The following HAS3 variants were observed in gnomAD, a reference collection of about 807,000 sequenced individuals.
The protein encoded by HAS3 is hyaluronan synthase 3.
HAS3 carries 27 observed loss-of-function variants against 50.3 expected under a neutral mutation model. That is an observed-to-expected ratio of 0.54 (90% confidence interval 0.40 to 0.74). The LOEUF (loss-of-function observed/expected upper bound fraction) is 0.74. HAS3 is among the 30% of genes least tolerant of loss of function. The pLI is 0.00. For missense variants in HAS3, 517 were observed against 742.8 expected (o/e 0.70, Z 3.53); for synonymous variants, 339 against 310.9 (o/e 1.09, Z -0.95).
upstream of HAS3, among the ~76,000 whole-genome samples, chr16:69,105,190 C>T (rs1283908464): frequency 6.6e-6 from 1 of 151,664 alleles, no homozygotes; most frequent in Non-Finnish European, 1.5e-5. Context: ...AGATTACAGG[C>T]TTGAGCCACG....
chr16:69,098,046 G>C, the HAS3 span, among the ~76,000 whole-genome samples: 1 of 152,152 alleles, frequency 6.6e-6, no homozygotes, highest in Non-Finnish European at 1.5e-5. Context: ...TTTTTCACAT[G>C]AATCCATGTA....
At chr16:69,095,193 C>T in the HAS3 span, among the ~76,000 whole-genome samples, 7 of 152,128 alleles carry the variant, frequency 4.6e-5, no homozygotes, top group Non-Finnish European at 8.8e-5. Context: ...CCATGTTGGC[C>T]AGGCTGGTCT....
Position 69,107,247 on chromosome 16 carries a change from T to G in HAS3, c.-1+1460T>G. On this transcript the variant is annotated intron_variant, in intron 1 of 3. Transcript: ENST00000569188. This position sits in a 1 kb window ranked among gnomAD's most constrained non-coding sequence, Gnocchi z 5.5. ...GTGGGGTATCTGGCTGAGGGACATT[T>G]TGGGGGCCTCTATTTGGGGGTGGGG... The G allele has an allele frequency of 1.3e-6, 1 of 774,952 alleles. No homozygotes were observed. The highest frequency in any genetic ancestry group is 1.6e-6 in the Non-Finnish European group (1 of 638,392). 48.0% of individuals were successfully genotyped at this position (774,952 alleles called of 1,614,324 possible).
At chr16:69,086,626 C>T in the HAS3 span, among the ~76,000 whole-genome samples, 1 of 151,738 alleles carries the variant, frequency 6.6e-6, no homozygotes, top group Admixed American at 6.6e-5. Flanking sequence ...CAAAAACGGC[C>T]GGGCACAGTG....
Position 69,107,725 on chromosome 16 carries a change from C to T in HAS3, c.1-1671C>T. 1.0e-5 allele frequency: 10 copies of T among 984,704 alleles called. No individual in the cohort carries two copies. The highest frequency in any genetic ancestry group is 1.2e-5 in the Non-Finnish European group (10 of 829,208). 61.0% of individuals were successfully genotyped at this position (984,704 alleles called of 1,614,324 possible). On this transcript the variant is annotated intron_variant, in intron 1 of 3. Coordinates refer to ENST00000569188, the MANE Select transcript of HAS3 (RefSeq NM_001199280.2). The surrounding 1 kb of genome is among the most constrained non-coding windows in gnomAD (Gnocchi z 5.5). The stretch of plus-strand genomic sequence containing the variant: ...GCTCCGGAGGGGAATGGGGGCGCTC[C>T]TAGGCTGCGGATGCAGGCCTGGGGA...
chr16:69,111,872 A>G (rs1196307236), intron 2 of HAS3, among the ~76,000 whole-genome samples: 1 of 151,974 alleles, frequency 6.6e-6, no homozygotes, highest in Non-Finnish European at 1.5e-5. Flanking sequence ...CCCCCACCCC[A>G]CCCTGCCATC....
chr16:69,118,688 C>T (rs1370800818), downstream of HAS3: 11 of 662,618 alleles, frequency 1.7e-5, no homozygotes, highest in Admixed American at 6.9e-5. Context: ...AATAACATCT[C>T]ACCTTCAGTC....
At chr16:69,099,698 C>T in the HAS3 span, among the ~76,000 whole-genome samples, 8 of 152,174 alleles carry the variant, frequency 5.3e-5, no homozygotes, top group Non-Finnish European at 2.9e-5. Flanking sequence ...GTCTCCTGTT[C>T]GTTACTTAAC....
chr16:69,103,080 T>C (rs528646089), upstream of HAS3, among the ~76,000 whole-genome samples: 53 of 150,798 alleles, frequency 3.5e-4, no homozygotes, highest in Non-Finnish European at 6.8e-4. Flanking sequence ...TTAAAAAAAT[T>C]AGGAGATTTC....
rs778598163 is a variant in HAS3 at position 69,109,356 on chromosome 16, C to T, written c.1-40C>T. 18 of 1,562,008 alleles carry T rather than the reference C, an allele frequency of 1.2e-5. No homozygotes were observed. The Middle Eastern group carries it at 5.1e-4, about 44-fold the overall frequency. On this transcript the variant is annotated intron_variant, in intron 1 of 3. Coordinates refer to ENST00000569188, the MANE Select transcript of HAS3 (RefSeq NM_001199280.2). This position sits in a 1 kb window ranked among gnomAD's most constrained non-coding sequence, Gnocchi z 5.3. ...ATGCTCCCACGGACTGGAAATGCTGCCTCCTGCCTGACCCTTCATCTCCTG... is the reference window on the plus strand; with the variant it reads ...ATGCTCCCACGGACTGGAAATGCTGTCTCCTGCCTGACCCTTCATCTCCTG...
Position 69,114,285 on chromosome 16 carries a change from G to A in HAS3, c.739-58G>A. ...ATGGTAAGGAGGCCTCGTGGTCTCT[G>A]ATGTCTGTCCTCCGGACGTGCAACC... On this transcript the variant is annotated intron_variant, in intron 3 of 3. Transcript: ENST00000569188. This position sits in a 1 kb window ranked among gnomAD's most constrained non-coding sequence, Gnocchi z 6.4. 1 of 1,524,796 alleles carries A rather than the reference G, an allele frequency of 6.6e-7. No individual in the cohort carries two copies. Among genetic ancestry groups the A allele is most frequent in the Non-Finnish European group, 8.8e-7 (1 of 1,142,314 alleles). The allele number at this position is 1,524,796 out of a possible 1,614,324, so 94.5% of individuals were successfully genotyped here. A position where few individuals can be genotyped will look rare whatever the true frequency, so the allele number is the denominator to read the frequency against.
At chr16:69,098,867 G>A in the HAS3 span, among the ~76,000 whole-genome samples, 2 of 151,582 alleles carry the variant, frequency 1.3e-5, no homozygotes, top group African/African-American at 4.8e-5. Context: ...GTTTCTCCAT[G>A]TTGGTCAGGC....
the HAS3 span, among the ~76,000 whole-genome samples, chr16:69,096,450 T>A: frequency 6.2e-5 from 9 of 145,140 alleles, no homozygotes; most frequent in African/African-American, 2.3e-4. Context: ...GCAGGAGAAT[T>A]GCTTGAATCC....
upstream of HAS3, among the ~76,000 whole-genome samples, chr16:69,101,438 T>C (rs1960695882): frequency 2.0e-5 from 3 of 152,030 alleles, no homozygotes; most frequent in Admixed American, 2.0e-4. Flanking sequence ...GTAGCTGGGA[T>C]TACAGGCATG....
At chr16:69,099,057 G>A in the HAS3 span, among the ~76,000 whole-genome samples, 5 of 151,234 alleles carry the variant, frequency 3.3e-5, no homozygotes, top group African/African-American at 7.3e-5. Context: ...TGCAAGCTCC[G>A]CCTCCCGGCT....
chr16:69,110,998 CAGCTTTGGTCAA>C (rs2152257519), intron 2 of HAS3, among the ~76,000 whole-genome samples: 1 of 152,086 alleles, frequency 6.6e-6, no homozygotes, highest in Admixed American at 6.6e-5. Context: ...AAACCCTGCC[CAGCTTTGGTCAA>C]AGCAATCACT....
chr16:69,118,379 G>A (rs142125256), downstream of HAS3: 2,140 of 1,611,784 alleles, frequency 1.3e-3, 2 homozygotes, highest in Non-Finnish European at 1.6e-3. Flanking sequence ...TATGGCAGTA[G>A]AGGATGACCA....
chr16:69,111,081 C>G (rs1960984278), intron 2 of HAS3, among the ~76,000 whole-genome samples: 2 of 148,488 alleles, frequency 1.3e-5, no homozygotes, highest in Non-Finnish European at 3.0e-5. Context: ...AAAAAAAACT[C>G]AAGAGTTGAA....
chr16:69,090,168 G>A, the HAS3 span, among the ~76,000 whole-genome samples: 6 of 152,142 alleles, frequency 3.9e-5, no homozygotes, highest in South Asian at 2.1e-4. Flanking sequence ...GCAAACTCAG[G>A]TACTCACATA....
Sources: gnomAD v4.1 joint callset for allele counts (sites outside exome capture counted in the v4.1 genomes callset) on GRCh38, gnomAD v4.1.1 for gene constraint, Gnocchi (gnomAD v3.1) non-coding constraint, MANE v1.5 for transcripts, NCBI Gene and HGNC (gene_info 2026-07-23, HGNC 2026-07-21) for gene names.